The following BRD10 variants were observed in gnomAD, a reference collection of about 807,000 sequenced individuals.
BRD10 encodes uncharacterized bromodomain-containing protein 10.
the BRD10 span, among the ~76,000 whole-genome samples, chr9:5,930,629 ATGAC>A: frequency 6.6e-6 from 1 of 152,090 alleles, no homozygotes; most frequent in Non-Finnish European, 1.5e-5. Flanking sequence ...ACCGAGGCTC[ATGAC>A]TAATTCTTGT....
the BRD10 span, among the ~76,000 whole-genome samples, chr9:5,983,577 A>C: frequency 6.6e-6 from 1 of 152,164 alleles, no homozygotes; most frequent in Admixed American, 6.5e-5. Context: ...AACAGAACTA[A>C]ATGTAACTTT....
the BRD10 span, among the ~76,000 whole-genome samples, chr9:5,980,789 T>C: frequency 6.6e-6 from 1 of 152,174 alleles, no homozygotes; most frequent in Non-Finnish European, 1.5e-5. Context: ...GATAAAGTAT[T>C]ACCATATTAA....
chr9:5,947,269 TG>T, the BRD10 span, among the ~76,000 whole-genome samples: 2 of 152,250 alleles, frequency 1.3e-5, no homozygotes, highest in Admixed American at 1.3e-4. Context: ...TTAGTAGGTC[TG>T]AGGTGAGACC....
chr9:5,941,968 T>C, the BRD10 span, among the ~76,000 whole-genome samples: 1 of 152,112 alleles, frequency 6.6e-6, no homozygotes, highest in African/African-American at 2.4e-5. Flanking sequence ...ACACGTGTAA[T>C]TTCTATCTTT....
chr9:5,921,418 T>A, the BRD10 span: 1 of 1,613,994 alleles, frequency 6.2e-7, no homozygotes, highest in Non-Finnish European at 8.5e-7. Context: ...TTTGTTTTAA[T>A]GATTCTGCAA....
chr9:5,996,754 G>A, the BRD10 span, among the ~76,000 whole-genome samples: 28 of 152,306 alleles, frequency 1.8e-4, no homozygotes, highest in African/African-American at 6.5e-4. Flanking sequence ...TTTGAAAAGT[G>A]CCTTATCAAC....
chr9:5,940,408 TG>T, the BRD10 span, among the ~76,000 whole-genome samples: 1 of 152,074 alleles, frequency 6.6e-6, no homozygotes, highest in South Asian at 2.1e-4. Flanking sequence ...TTAGCCAGGC[TG>T]GTCTCGAACT....
chr9:5,944,952 G>A, the BRD10 span: 1 of 1,506,704 alleles, frequency 6.6e-7, no homozygotes, highest in Non-Finnish European at 9.0e-7. Context: ...CAAGATTAGT[G>A]CAAATAAGCT....
chr9:5,970,031 G>T, the BRD10 span, among the ~76,000 whole-genome samples: 1 of 152,114 alleles, frequency 6.6e-6, no homozygotes, highest in Non-Finnish European at 1.5e-5. Flanking sequence ...AAGCACAGTA[G>T]AATTTGATTA....
At chr9:6,007,339 T>C in the BRD10 span, 14 of 1,613,576 alleles carry the variant, frequency 8.7e-6, no homozygotes, top group South Asian at 8.8e-5. Flanking sequence ...GCCCCCGTAC[T>C]GGCCGCTGGC....
At chr9:5,939,687 G>T in the BRD10 span, among the ~76,000 whole-genome samples, 4 of 152,316 alleles carry the variant, frequency 2.6e-5, no homozygotes, top group African/African-American at 9.6e-5. Flanking sequence ...CAGAATGAAA[G>T]AATAAGGCCC....
chr9:5,982,483 G>T, the BRD10 span, among the ~76,000 whole-genome samples: 10 of 152,128 alleles, frequency 6.6e-5, no homozygotes, highest in Admixed American at 5.9e-4. Context: ...CAAATGAGTG[G>T]ATTAATGAGG....
the BRD10 span, among the ~76,000 whole-genome samples, chr9:6,004,007 G>C: frequency 6.6e-6 from 1 of 152,172 alleles, no homozygotes; most frequent in Non-Finnish European, 1.5e-5. Flanking sequence ...GAAATACTAT[G>C]CTGTTTCATG....
chr9:5,883,462 C>CTTCTTTTT, the BRD10 span, among the ~76,000 whole-genome samples: 1 of 102,410 alleles, frequency 9.8e-6, no homozygotes, highest in African/African-American at 3.7e-5. Flanking sequence ...CCTTCTTCTT[C>CTTCTTTTT]TTTTTTTTTT....
chr9:5,887,589 C>G, the BRD10 span, among the ~76,000 whole-genome samples: 1 of 152,206 alleles, frequency 6.6e-6, no homozygotes, highest in African/African-American at 2.4e-5. Context: ...CAGCTCAGAA[C>G]TGCATCCCTC....
the BRD10 span, chr9:5,923,287 T>C: frequency 6.2e-7 from 1 of 1,607,498 alleles, no homozygotes; most frequent in South Asian, 1.1e-5. Context: ...TAGGAAAATC[T>C]ATTTCTGACA....
At chr9:5,905,406 G>C in the BRD10 span, among the ~76,000 whole-genome samples, 91 of 152,270 alleles carry the variant, frequency 6.0e-4, 2 homozygotes, top group African/African-American at 2.0e-3. Flanking sequence ...TTAAAATAGA[G>C]ATTACAGGAC....
the BRD10 span, chr9:5,891,117 CCT>C: frequency 6.6e-6 from 1 of 152,180 alleles, no homozygotes; most frequent in African/African-American, 2.4e-5. Flanking sequence ...CCTCCTGAAT[CCT>C]CTCTCAGTCC....
At chr9:5,921,170 T>C in the BRD10 span, 3 of 1,613,950 alleles carry the variant, frequency 1.9e-6, no homozygotes, top group South Asian at 3.3e-5. Context: ...CTTGCTACTT[T>C]TGTCTTCTCC....
Sources: allele counts gnomAD v4.1 joint callset (sites outside exome capture counted in the v4.1 genomes callset), GRCh38; gene constraint gnomAD v4.1.1; transcripts MANE v1.5; gene names NCBI Gene and HGNC (gene_info 2026-07-23, HGNC 2026-07-21).